MAP4K1: variants seen among roughly 807,000 people sequenced by gnomAD.
MAP4K1 encodes the protein MAPK/ERK kinase kinase kinase 1.
Under a neutral mutation model 122.8 loss-of-function variants are expected in MAP4K1, and 35 were observed. The observed-to-expected ratio is 0.29, with a 90% CI of 0.22 to 0.38. MAP4K1 has a LOEUF of 0.38. Among genes scored for constraint, MAP4K1 ranks in the 10% least tolerant of loss-of-function variants. The probability of loss-of-function intolerance (pLI) is 1.00; values close to 1 mark genes in which losing one functional copy is unlikely to be tolerated. For missense variants in MAP4K1, 791 were observed against 1,072.6 expected (o/e 0.74, Z 3.67); for synonymous variants, 412 against 421.3 (o/e 0.98, Z 0.27).
At chr19:38,603,059 C>CATATACAT (rs1555810438) in intron 19 of MAP4K1, among the ~76,000 whole-genome samples, 3 of 107,986 alleles carry the variant, frequency 2.8e-5, no homozygotes, top group African/African-American at 4.0e-5. Context: ...TACGCATATA[C>CATATACAT]ATATACACAT....
intron 30 of MAP4K1, among the ~76,000 whole-genome samples, chr19:38,588,481 A>G (rs561490595): frequency 6.6e-6 from 1 of 152,218 alleles, no homozygotes; most frequent in South Asian, 2.1e-4. Context: ...ACTTGAGGTC[A>G]GGAGTTCAAG....
intron 5 of MAP4K1, 42 bp from the exon 6 acceptor site, chr19:38,614,334 G>A: frequency 1.2e-6 from 2 of 1,614,054 alleles, no homozygotes; most frequent in East Asian, 2.2e-5. Context: ...GTGTTTGGGG[G>A]CTGGAGTGGG....
At position 38,597,463 on chromosome 19, in the gene MAP4K1, T is replaced by C. The variant is rs1568625466; in HGVS notation, c.1778+23A>G. 5.6e-6 allele frequency: 9 copies of C among 1,613,374 alleles called. No individual in the cohort carries two copies. The highest frequency in any genetic ancestry group is 7.6e-6 in the Non-Finnish European group (9 of 1,179,368). On this transcript the variant is annotated intron_variant, in intron 23 of 30. Coordinates refer to ENST00000396857, the MANE Select transcript of MAP4K1 (RefSeq NM_001042600.3). The surrounding 1 kb of genome is among the most constrained non-coding windows in gnomAD (Gnocchi z 4.6). ...TGGGAGGAATTATAAGGCTGTGTGGTGCCATTCATTGGGAGCTGGTACCTT... is the reference window on the plus strand; with the variant it reads ...TGGGAGGAATTATAAGGCTGTGTGGCGCCATTCATTGGGAGCTGGTACCTT...
At chr19:38,610,372 ATTTTTTTTTTTTTTTTT>A (rs35103992) in intron 11 of MAP4K1, among the ~76,000 whole-genome samples, 20 of 76,196 alleles carry the variant, frequency 2.6e-4, no homozygotes, top group Admixed American at 2.3e-3. Context: ...CGCCCAGCTA[ATTTTTTTTTTTTTTTTT>A]TTTTTTTTTT....
chr19:38,591,438 G>A (rs1205584939), intron 30 of MAP4K1, among the ~76,000 whole-genome samples: 4 of 150,562 alleles, frequency 2.7e-5, no homozygotes, highest in Non-Finnish European at 5.9e-5. Context: ...GGTTGAGACA[G>A]GAGACTTGCC....
chr19:38,596,969 G>T, intron 25 of MAP4K1, 65 bp downstream of exon 25: 2 of 1,455,620 alleles, frequency 1.4e-6, no homozygotes, highest in Non-Finnish European at 1.9e-6. Flanking sequence ...TGATAGAAGC[G>T]CAAAGGGTGC....
chr19:38,592,321 T>A (rs1017165045), intron 30 of MAP4K1: 2 of 152,012 alleles, frequency 1.3e-5, no homozygotes, highest in Non-Finnish European at 2.9e-5. Flanking sequence ...ACTCCTGTAA[T>A]CCCAGAACTT....
intron 27 of MAP4K1, 75 bp from the exon 28 acceptor site, chr19:38,595,804 A>C: frequency 1.3e-6 from 2 of 1,488,396 alleles, no homozygotes; most frequent in Non-Finnish European, 1.9e-6. Context: ...CCATAAATTC[A>C]GTGTGAAAGC....
At chr19:38,615,655 G>T (rs1975626740) in intron 4 of MAP4K1, among the ~76,000 whole-genome samples, 1 of 152,024 alleles carries the variant, frequency 6.6e-6, no homozygotes, top group African/African-American at 2.4e-5. Flanking sequence ...CTCTCTTTGG[G>T]CCTCAGTTTC....
chr19:38,603,151 T>C (rs972819642), intron 19 of MAP4K1, among the ~76,000 whole-genome samples: 10 of 148,206 alleles, frequency 6.7e-5, no homozygotes, highest in South Asian at 4.3e-4. Context: ...TATACACACA[T>C]ATACATGTAT....
chr19:38,595,625 C>A lies in MAP4K1; in HGVS notation c.2269+15G>T. On this transcript the variant is annotated intron_variant, in intron 28 of 30. Coordinates refer to ENST00000396857, the MANE Select transcript of MAP4K1 (RefSeq NM_001042600.3). ...TTCCACCCCTGATCCTGGGCTCTCC[C>A]GTCCCTGCACAGACCCACGGCCTCC... The A allele has an allele frequency of 6.2e-7, 1 of 1,613,906 alleles. No individual in the cohort carries two copies. The highest frequency in any genetic ancestry group is 8.5e-7 in the Non-Finnish European group (1 of 1,179,852).
At chr19:38,598,870 G>A (rs933919635) in intron 22 of MAP4K1, among the ~76,000 whole-genome samples, 49 of 151,182 alleles carry the variant, frequency 3.2e-4, no homozygotes, top group African/African-American at 9.5e-4. Flanking sequence ...AAAATTAGCC[G>A]CGTGTGGTGG....
chr19:38,616,062 A>G (rs1183369281), intron 4 of MAP4K1, 133 bp downstream of exon 4: 7 of 595,326 alleles, frequency 1.2e-5, no homozygotes, highest in Non-Finnish European at 2.0e-5. Context: ...AGCTCAGCCC[A>G]GGAGTTTGAA....
chr19:38,603,363 CACACATATACATATAT>C (rs1355376753), intron 19 of MAP4K1, among the ~76,000 whole-genome samples: 13 of 145,428 alleles, frequency 8.9e-5, no homozygotes, highest in African/African-American at 3.3e-4. Flanking sequence ...TACATATATA[CACACATATACATATAT>C]ACACATGTAC....
chr19:38,608,317 G>A, intron 13 of MAP4K1, 147 bp from the exon 14 acceptor site: 3 of 482,094 alleles, frequency 6.2e-6, no homozygotes, highest in Non-Finnish European at 1.1e-5. Context: ...TGTCCCTTGG[G>A]GAAAGGGGTC....
chr19:38,588,701 G>A (rs949711593), intron 30 of MAP4K1, among the ~76,000 whole-genome samples: 1 of 150,566 alleles, frequency 6.6e-6, no homozygotes, highest in Non-Finnish European at 1.5e-5. Context: ...GCAGTGAGCC[G>A]AGATAGCGCC....
Position 38,617,689 on chromosome 19 carries a change from T to G in MAP4K1, c.100-64A>C. 6.2e-7 allele frequency: 1 copy of G among 1,606,220 alleles called. No homozygotes were observed. Among genetic ancestry groups the G allele is most frequent in the East Asian group, 2.2e-5 (1 of 44,822 alleles). On this transcript the variant is annotated intron_variant, in intron 1 of 30. Transcript: ENST00000396857. The surrounding 1 kb of genome is among the most constrained non-coding windows in gnomAD (Gnocchi z 4.1). ...TGCCAGAGTCCCTCCACAGCATCCC[T>G]GAGTCAAGGTCAAGAACTGGGACCC...
chr19:38,599,382 C>T (rs1974993422), intron 22 of MAP4K1, among the ~76,000 whole-genome samples: 1 of 146,670 alleles, frequency 6.8e-6, no homozygotes, highest in Non-Finnish European at 1.5e-5. Context: ...TAATCTAAGG[C>T]CAGGTGTGGT....
At position 38,595,509 on chromosome 19, in the gene MAP4K1, C is replaced by G. The variant is rs1428142264; in HGVS notation, c.2316G>C (p.Gln772His). ...QLQAFWKHGVQVWALGSDQLL... is the reference protein window; with the variant it reads ...QLQAFWKHGVHVWALGSDQLL... ...CCTGATCCGAGCCTAGAGCCCACAC[C>G]TGCACTCCATGCTTCCAGAAGGCCT... Residue 772 changes from glutamine to histidine, a missense_variant, in exon 29 of 31, where the codon CAG becomes CAC. Gln to His is a conservative substitution (Grantham distance 24, BLOSUM62 0). This residue lies in a region of MAP4K1 where 267 missense variants were observed against 323.0 expected (regional missense o/e 0.83). Coordinates refer to ENST00000396857, the MANE Select transcript of MAP4K1 (RefSeq NM_001042600.3). 1 of 1,614,064 alleles carries G rather than the reference C, an allele frequency of 6.2e-7. No homozygotes were observed. Among genetic ancestry groups the G allele is most frequent in the Non-Finnish European group, 8.5e-7 (1 of 1,180,028 alleles).
Sources: gnomAD v4.1 joint callset for allele counts (sites outside exome capture counted in the v4.1 genomes callset) on GRCh38, gnomAD v4.1.1 for gene constraint, gnomAD v4.1.1 regional missense constraint, Gnocchi (gnomAD v3.1) non-coding constraint, MANE v1.5 for transcripts, NCBI Gene and HGNC (gene_info 2026-07-23, HGNC 2026-07-21) for gene names.